HRH2: variants seen among roughly 807,000 people sequenced by gnomAD.
The protein encoded by HRH2 is histamine receptor H2.
Under a neutral mutation model 20.1 loss-of-function variants are expected in HRH2, and 4 were observed. The observed-to-expected ratio is 0.20, with a 90% confidence interval of 0.10 to 0.45. HRH2 has a LOEUF of 0.45. Among genes scored for constraint, HRH2 ranks in the 20% least tolerant of loss-of-function variants. The pLI, the probability that HRH2 is intolerant of heterozygous loss-of-function variation, is 0.99. For synonymous variants in HRH2, 197 were observed against 200.7 expected (o/e 0.98, Z 0.16); for missense variants, 250 against 461.6 (o/e 0.54, Z 4.20).
At chr5:175,665,534 A>G (rs1762862970) in intron 1 of HRH2, among the ~76,000 whole-genome samples, 1 of 152,200 alleles carries the variant, frequency 6.6e-6, no homozygotes, top group Non-Finnish European at 1.5e-5. Context: ...GTTAGAACCC[A>G]GAGCAGGGGT....
chr5:175,658,985 C>G (rs2113460903), intron 1 of HRH2, among the ~76,000 whole-genome samples: 1 of 152,310 alleles, frequency 6.6e-6, no homozygotes, highest in South Asian at 2.1e-4. Flanking sequence ...AGCTGTCATG[C>G]CCTAGATCAG....
rs556696775 is a variant in HRH2, at chr5:175,681,897, G to T, written c.-525-812G>T. 1.3e-5 allele frequency among the ~76,000 whole-genome samples: 2 copies of T among 152,346 alleles called. No individual in the cohort carries two copies. The highest frequency in any genetic ancestry group is 4.1e-4 in the South Asian group (2 of 4,826). ...ATTTAGAGATGCGTTCGGAGCAGGG[G>T]TGGCGTGGATGACAGGTGACGAACT... On this transcript the variant is annotated intron_variant, in intron 1 of 2. Transcript: ENST00000636584. The surrounding 1 kb of genome is among the most constrained non-coding windows in gnomAD (Gnocchi z 4.3).
At chr5:175,672,693 C>T (rs543475448) in intron 1 of HRH2, among the ~76,000 whole-genome samples, 4 of 152,256 alleles carry the variant, frequency 2.6e-5, no homozygotes, top group Admixed American at 6.5e-5. Context: ...TGGAGTGGAT[C>T]CTGGACCCTG....
At chr5:175,707,542 CAG>C (rs1756980558) in intron 2 of HRH2, among the ~76,000 whole-genome samples, 2 of 152,184 alleles carry the variant, frequency 1.3e-5, no homozygotes, top group Non-Finnish European at 2.9e-5. Context: ...ATGTTAGAAA[CAG>C]AGTTAGGATT....
intron 1 of HRH2, among the ~76,000 whole-genome samples, chr5:175,662,954 C>T (rs930649534): frequency 3.3e-5 from 5 of 152,182 alleles, no homozygotes; most frequent in Non-Finnish European, 7.3e-5. Flanking sequence ...TTTCTTACAC[C>T]TAGCATGTTT....
intron 2 of HRH2, among the ~76,000 whole-genome samples, chr5:175,692,706 C>T (rs1756427918): frequency 6.6e-6 from 1 of 152,136 alleles, no homozygotes; most frequent in South Asian, 2.1e-4. Flanking sequence ...CCAGGGGGGT[C>T]CTGACCCTAA....
chr5:175,696,595 CACACTCTT>C (rs1483126795), intron 2 of HRH2, among the ~76,000 whole-genome samples: 2 of 152,248 alleles, frequency 1.3e-5, no homozygotes, highest in Non-Finnish European at 2.9e-5. Flanking sequence ...CTCCTCCATG[CACACTCTT>C]GCGGTTTTAT....
At chr5:175,707,238 C>G (rs770772655) in intron 2 of HRH2, among the ~76,000 whole-genome samples, 2 of 152,074 alleles carry the variant, frequency 1.3e-5, no homozygotes, top group African/African-American at 2.4e-5. Flanking sequence ...GCCCAGGAAA[C>G]AGAGTGACAA....
intron 2 of HRH2, among the ~76,000 whole-genome samples, chr5:175,704,594 C>A (rs2113564384): frequency 6.6e-6 from 1 of 151,988 alleles, no homozygotes; most frequent in East Asian, 1.9e-4. Context: ...GGAGATCAGT[C>A]CAGTAAGACA....
At chr5:175,673,055 G>A (rs946608791) in intron 1 of HRH2, among the ~76,000 whole-genome samples, 1 of 152,168 alleles carries the variant, frequency 6.6e-6, no homozygotes, top group African/African-American at 2.4e-5. Flanking sequence ...GGGGCCTTCT[G>A]AGCCAGTGGT....
chr5:175,661,066 C>T (rs1581400082), intron 1 of HRH2, among the ~76,000 whole-genome samples: 2 of 143,688 alleles, frequency 1.4e-5, no homozygotes, highest in East Asian at 4.3e-4. Context: ...CAACAATCCA[C>T]ATCCAGCTGG....
Position 175,693,283 on chromosome 5 carries a change from C to T in HRH2, c.1076+8974C>T, listed in dbSNP as rs1756448687. Among the ~76,000 whole-genome samples the T allele has an allele frequency of 6.6e-6, 1 of 152,176 alleles. No homozygotes were observed. Among genetic ancestry groups the T allele is most frequent in the Admixed American group, 6.5e-5 (1 of 15,282 alleles). ...GGGTGTGCCTGCATTGCAGGGTGTG[C>T]ACAGCCCTTGAGGCTCTCCTGGGGC... On this transcript the variant is annotated intron_variant, in intron 2 of 2. Transcript: ENST00000636584. The surrounding 1 kb of genome is among the most constrained non-coding windows in gnomAD (Gnocchi z 4.4).
intron 1 of HRH2, among the ~76,000 whole-genome samples, chr5:175,661,731 G>A (rs1762742136): frequency 6.6e-6 from 1 of 152,194 alleles, no homozygotes; most frequent in Non-Finnish European, 1.5e-5. Flanking sequence ...TATAAAAGAT[G>A]CCATCTCAGG....
chr5:175,702,821 C>T (rs180823617), intron 2 of HRH2, among the ~76,000 whole-genome samples: 8 of 151,616 alleles, frequency 5.3e-5, no homozygotes, highest in Admixed American at 5.2e-4. Flanking sequence ...CCCACCTCGG[C>T]CTCCCAAAGT....
At chr5:175,689,698 G>A (rs1212909161) in intron 2 of HRH2, among the ~76,000 whole-genome samples, 2 of 152,240 alleles carry the variant, frequency 1.3e-5, no homozygotes, top group African/African-American at 4.8e-5. Flanking sequence ...GCAGAATCCA[G>A]TACCAGCTCT....
rs568882656 is a variant in HRH2, at chr5:175,700,071, A to T, written c.1077-7708A>T. ...GTTGTGTGAGACCCAGCAGCAGGGG[A>T]TGAGGAAGGCTCAGACAGAACGCGG... is the stretch of plus-strand genomic sequence containing the variant. On this transcript the variant is annotated intron_variant, in intron 2 of 2. Transcript: ENST00000636584. Among the ~76,000 whole-genome samples, 4 of 152,292 alleles carry T rather than the reference A, an allele frequency of 2.6e-5. No individual in the cohort carries two copies. The South Asian group carries it at 8.3e-4, about 32-fold the overall frequency.
At chr5:175,688,246 G>A (rs965346225) in intron 2 of HRH2, among the ~76,000 whole-genome samples, 3 of 152,204 alleles carry the variant, frequency 2.0e-5, no homozygotes, top group African/African-American at 7.2e-5. Flanking sequence ...AGTCCCTTTT[G>A]CCGCGTAAGG....
intron 2 of HRH2, among the ~76,000 whole-genome samples, chr5:175,707,574 T>TACTC (rs1407416628): frequency 6.6e-6 from 1 of 152,254 alleles, no homozygotes; most frequent in East Asian, 1.9e-4. Flanking sequence ...GTCTCCTGAA[T>TACTC]ACTCCTTCTT....
chr5:175,669,839 C>A (rs1253070097), intron 1 of HRH2, among the ~76,000 whole-genome samples: 1 of 152,202 alleles, frequency 6.6e-6, no homozygotes, highest in East Asian at 1.9e-4. Flanking sequence ...CATCAGGATC[C>A]AAGCAAGGTC....
Sources: allele counts gnomAD v4.1 joint callset (sites outside exome capture counted in the v4.1 genomes callset), GRCh38; gene constraint gnomAD v4.1.1; non-coding constraint Gnocchi (gnomAD v3.1); transcripts MANE v1.5; gene names NCBI Gene and HGNC (gene_info 2026-07-23, HGNC 2026-07-21).